Variants in FNIP2 observed in about 807,000 individuals in gnomAD.
FNIP2 encodes folliculin-interacting protein 2.
FNIP2 carries 32 observed loss-of-function variants against 108.7 expected under a neutral mutation model. The observed-to-expected ratio is 0.29, with a 90% CI of 0.22 to 0.40. The LOEUF (loss-of-function observed/expected upper bound fraction) is 0.40. Ranked by LOEUF, FNIP2 falls within the 10% of genes least tolerant of loss-of-function variation. The pLI, the probability that FNIP2 is intolerant of heterozygous loss-of-function variation, is 1.00. For synonymous variants in FNIP2, 480 were observed against 496.7 expected (o/e 0.97, Z 0.45); for missense variants, 1,202 against 1,381.6 (o/e 0.87, Z 2.06).
chr4:158,777,000 G>A (rs975541157), intron 1 of FNIP2, among the ~76,000 whole-genome samples: 1 of 151,920 alleles, frequency 6.6e-6, no homozygotes, highest in African/African-American at 2.4e-5. Flanking sequence ...AAAATGATAG[G>A]GTAAAAGTGC....
At chr4:158,873,679 CA>C (rs1226468634) in intron 14 of FNIP2, among the ~76,000 whole-genome samples, 1 of 152,232 alleles carries the variant, frequency 6.6e-6, no homozygotes. Flanking sequence ...CTGACTTTCA[CA>C]TATCAAGATT....
chr4:158,889,805 CTT>C (rs35673623), intron 14 of FNIP2: 5,607 of 868,436 alleles, frequency 6.5e-3, no homozygotes, highest in Non-Finnish European at 7.2e-3. Context: ...TTCAAATTTC[CTT>C]TTTTTTTTTT....
intron 7 of FNIP2, among the ~76,000 whole-genome samples, chr4:158,839,357 A>ATTATTTATTTAT (rs149914889): frequency 1.1e-4 from 16 of 151,350 alleles, no homozygotes; most frequent in South Asian, 4.2e-4. Flanking sequence ...CTTCATTTCT[A>ATTATTTATTTAT]TTATTTATTT....
chr4:158,831,776 C>A, intron 3 of FNIP2, 85 bp from the exon 4 acceptor site: 2 of 854,650 alleles, frequency 2.3e-6, no homozygotes, highest in Non-Finnish European at 3.8e-6. Flanking sequence ...ACCGATGACA[C>A]TAACGAGATT....
chr4:158,864,633 C>CT (rs1019796463), intron 12 of FNIP2, among the ~76,000 whole-genome samples: 1 of 152,040 alleles, frequency 6.6e-6, no homozygotes, highest in African/African-American at 2.4e-5. Flanking sequence ...ACCATGCTTC[C>CT]TTTACAGGGC....
intron 1 of FNIP2, among the ~76,000 whole-genome samples, chr4:158,785,628 C>T (rs1021520096): frequency 1.3e-5 from 2 of 152,020 alleles, no homozygotes; most frequent in African/African-American, 4.8e-5. Context: ...CGCGCCCAGC[C>T]CTACCCATGC....
intron 16 of FNIP2, among the ~76,000 whole-genome samples, chr4:158,898,242 C>T (rs1260012018): frequency 6.6e-6 from 1 of 152,100 alleles, no homozygotes; most frequent in Non-Finnish European, 1.5e-5. Context: ...TTACCGTAGC[C>T]TTGTTGTATA....
chr4:158,776,825 T>C (rs1223666154), intron 1 of FNIP2, among the ~76,000 whole-genome samples: 5 of 152,236 alleles, frequency 3.3e-5, no homozygotes, highest in African/African-American at 1.2e-4. Context: ...TTTTGAACAC[T>C]GATGATCCTT....
intron 7 of FNIP2, among the ~76,000 whole-genome samples, chr4:158,848,703 T>G (rs1406696480): frequency 6.6e-6 from 1 of 152,178 alleles, no homozygotes; most frequent in Non-Finnish European, 1.5e-5. Flanking sequence ...ATAGCTGTGT[T>G]GAGGAAACTC....
At chr4:158,891,885 C>T (rs1024419678) in intron 15 of FNIP2, among the ~76,000 whole-genome samples, 1 of 152,052 alleles carries the variant, frequency 6.6e-6, no homozygotes, top group Admixed American at 6.6e-5. Flanking sequence ...GTATATGGTG[C>T]AGTAAATAAG....
intron 14 of FNIP2, among the ~76,000 whole-genome samples, chr4:158,885,241 C>T (rs986539589): frequency 6.6e-6 from 1 of 152,176 alleles, no homozygotes; most frequent in African/African-American, 2.4e-5. Context: ...CAAACTCCTC[C>T]TACCTGTCCC....
chr4:158,801,282 C>T (rs1430160935), intron 1 of FNIP2, among the ~76,000 whole-genome samples: 5 of 151,908 alleles, frequency 3.3e-5, no homozygotes, highest in African/African-American at 7.3e-5. Flanking sequence ...GCAAGGTGTC[C>T]GACAAGATAC....
intron 6 of FNIP2, chr4:158,834,880 G>A (rs989950184): frequency 5.2e-5 from 8 of 153,854 alleles, no homozygotes; most frequent in African/African-American, 1.9e-4. Flanking sequence ...AGAAATATTT[G>A]AAAATGAGTA....
chr4:158,902,831 TC>T lies in FNIP2; in HGVS notation c.3267-1630del, dbSNP rs530382719. On this transcript the variant is annotated intron_variant, in intron 16 of 16. Transcript: ENST00000264433. ...AAGTCTCAGCAATGGTGGATGCCCC[TC>T]CCCCAACCAACCTCAAACGTCCCAG... 2.4e-4 allele frequency among the ~76,000 whole-genome samples: 37 copies of T among 152,058 alleles called. No homozygotes were observed. The East Asian group carries it at 7.0e-3, about 29-fold the overall frequency.
intron 14 of FNIP2, among the ~76,000 whole-genome samples, chr4:158,881,465 TCTCCCTCTCTTTCCACGGTCTCC>T (rs1781622795): frequency 1.3e-5 from 2 of 150,052 alleles, no homozygotes; most frequent in African/African-American, 4.9e-5. Flanking sequence ...ACGGTCTCCC[TCTCCCTCTCTTTCCACGGTCTCC>T]CTCTGATGCT....
chr4:158,859,122 G>A lies in FNIP2; in HGVS notation c.923G>A (p.Arg308Lys), dbSNP rs1249017248. The A allele has an allele frequency of 6.2e-7, 1 of 1,613,982 alleles. No individual in the cohort carries two copies. Among genetic ancestry groups the A allele is most frequent in the Admixed American group, 1.7e-5 (1 of 60,034 alleles). Reference protein sequence around the residue: ...TCSSNPAMVRRKKIAISIIFS... With the variant: ...TCSSNPAMVRKKKIAISIIFS... ...AGCTCTAATCCAGCTATGGTTAGGA[G>A]GAAGAAAATTGCCATAAGCATCATC... Residue 308 changes from arginine to lysine, a missense_variant, in exon 9 of 17, where the codon AGG (arginine) becomes AAG (lysine). By Grantham distance (26) the Arg-to-Lys change is conservative. Around this residue, in one of 5 missense-constraint regions of FNIP2, gnomAD observed 878 missense variants for 990.3 expected, o/e 0.89. Transcript: ENST00000264433.
chr4:158,771,161 G>A (rs1034484522), intron 1 of FNIP2, among the ~76,000 whole-genome samples: 2 of 152,142 alleles, frequency 1.3e-5, no homozygotes, highest in East Asian at 3.9e-4. Context: ...ATTTGAGATC[G>A]ATGTTTTTGG....
intron 2 of FNIP2, 138 bp from the exon 3 acceptor site, chr4:158,828,941 T>TG (rs1778308192): frequency 1.5e-6 from 1 of 673,422 alleles, no homozygotes; most frequent in South Asian, 2.4e-5. Flanking sequence ...TTGTCATTAT[T>TG]GGGGAAAAAA....
chr4:158,772,908 A>AT (rs1775742466), intron 1 of FNIP2, among the ~76,000 whole-genome samples: 1 of 152,200 alleles, frequency 6.6e-6, no homozygotes, highest in South Asian at 2.1e-4. Context: ...TAAAGAGTAG[A>AT]TTTTTATATA....
Sources: allele counts gnomAD v4.1 joint callset (sites outside exome capture counted in the v4.1 genomes callset), GRCh38; gene constraint gnomAD v4.1.1; regional missense constraint gnomAD v4.1.1; transcripts MANE v1.5; gene names NCBI Gene and HGNC (gene_info 2026-07-23, HGNC 2026-07-21).